Variants in CAMK4 observed in about 807,000 individuals in gnomAD.
CAMK4 encodes the protein calcium/calmodulin dependent protein kinase IV.
CAMK4 carries 22 observed loss-of-function variants against 44.9 expected under a neutral mutation model. That is an observed-to-expected ratio of 0.49 (90% CI 0.35 to 0.70). The LOEUF (loss-of-function observed/expected upper bound fraction) is 0.70, where lower values mean the gene tolerates loss of function less well. Ranked by LOEUF, CAMK4 falls within the 30% of genes least tolerant of loss-of-function variation. The pLI, the probability that CAMK4 is intolerant of heterozygous loss-of-function variation, is 0.01. For missense variants in CAMK4, 498 were observed against 586.8 expected, an observed-to-expected ratio of 0.85 and a Z score of 1.56; for synonymous variants, 218 against 215.4, an observed-to-expected ratio of 1.01 and a Z score of -0.11.
intron 4 of CAMK4, among the ~76,000 whole-genome samples, chr5:111,378,354 C>T (rs1016517495): frequency 6.6e-6 from 1 of 152,100 alleles, no homozygotes; most frequent in Non-Finnish European, 1.5e-5. Context: ...AATAGCAGCT[C>T]AAATGGACTA....
intron 1 of CAMK4, among the ~76,000 whole-genome samples, chr5:111,246,293 G>A (rs1749237206): frequency 6.6e-6 from 1 of 152,128 alleles, no homozygotes; most frequent in African/African-American, 2.4e-5. Context: ...CTACCCCCAA[G>A]AAGGGCTTTC....
intron 4 of CAMK4, among the ~76,000 whole-genome samples, chr5:111,393,573 T>C (rs993458031): frequency 6.6e-6 from 1 of 152,148 alleles, no homozygotes; most frequent in Admixed American, 6.6e-5. Context: ...GATCATGTCC[T>C]ATGAAGGGAC....
At chr5:111,316,358 G>A (rs1205485132) in intron 1 of CAMK4, among the ~76,000 whole-genome samples, 2 of 152,150 alleles carry the variant, frequency 1.3e-5, no homozygotes, top group Non-Finnish European at 2.9e-5. Flanking sequence ...TCAACATTTA[G>A]TCTCACTCCA....
chr5:111,442,461 C>T (rs1753859337), intron 5 of CAMK4, among the ~76,000 whole-genome samples: 1 of 151,750 alleles, frequency 6.6e-6, no homozygotes, highest in South Asian at 2.1e-4. Flanking sequence ...CGCACCACTG[C>T]ACTCCAGCCT....
chr5:111,456,238 A>T (rs1472020684), intron 7 of CAMK4, among the ~76,000 whole-genome samples: 1 of 152,094 alleles, frequency 6.6e-6, no homozygotes, highest in African/African-American at 2.4e-5. Flanking sequence ...GCGGTGGCTC[A>T]CGACTGTAAT....
At chr5:111,371,801 T>C (rs1441656309) in intron 2 of CAMK4, among the ~76,000 whole-genome samples, 1 of 152,220 alleles carries the variant, frequency 6.6e-6, no homozygotes, top group Middle Eastern at 3.2e-3. Context: ...TCCCAGTTTC[T>C]ATTCCAACCA....
chr5:111,274,602 A>G (rs1330764536), intron 1 of CAMK4, among the ~76,000 whole-genome samples: 2 of 152,214 alleles, frequency 1.3e-5, no homozygotes, highest in African/African-American at 4.8e-5. Flanking sequence ...GATTTGGATA[A>G]GAAAAATTTT....
intron 1 of CAMK4, among the ~76,000 whole-genome samples, chr5:111,238,574 C>G (rs757341278): frequency 3.3e-5 from 5 of 151,208 alleles, no homozygotes; most frequent in African/African-American, 1.2e-4. Flanking sequence ...TAAGCCACCC[C>G]AGTCTGTGGC....
Position 111,227,356 on chromosome 5 carries a change from A to C in CAMK4, c.161+2712A>C, listed in dbSNP as rs976864618. Among the ~76,000 whole-genome samples, 11 of 152,202 alleles carry C rather than the reference A, an allele frequency of 7.2e-5. 1 individual carries two copies. Among genetic ancestry groups the C allele is most frequent in the African/African-American group, 2.4e-4 (10 of 41,462 alleles). On this transcript the variant is annotated intron_variant, in intron 1 of 10. Transcript: ENST00000282356. ...CAGCTTTGGACCAAATCCACCTGCTAGTGTGACTCTAATTCATTAGTAATG... is the reference window on the plus strand; with the variant it reads ...CAGCTTTGGACCAAATCCACCTGCTCGTGTGACTCTAATTCATTAGTAATG...
intron 9 of CAMK4, among the ~76,000 whole-genome samples, chr5:111,481,503 G>C (rs1257290030): frequency 6.6e-6 from 1 of 152,178 alleles, no homozygotes; most frequent in Middle Eastern, 3.2e-3. Context: ...GAGAGAACCA[G>C]ATAGTATTTA....
intron 5 of CAMK4, among the ~76,000 whole-genome samples, chr5:111,426,057 G>T (rs1389608621): frequency 6.6e-6 from 1 of 151,670 alleles, no homozygotes; most frequent in Non-Finnish European, 1.5e-5. Flanking sequence ...CATGTGTAAA[G>T]TACCTGAAAA....
chr5:111,388,801 A>G (rs541821909), intron 4 of CAMK4, among the ~76,000 whole-genome samples: 13 of 152,174 alleles, frequency 8.5e-5, no homozygotes, highest in Non-Finnish European at 1.9e-4. Context: ...CATCTGTTGG[A>G]ATGCATCCTC....
chr5:111,427,539 C>T (rs1229186639), intron 5 of CAMK4, among the ~76,000 whole-genome samples: 1 of 152,176 alleles, frequency 6.6e-6, no homozygotes, highest in East Asian at 1.9e-4. Context: ...AGGGTGAGCA[C>T]CAGGACAGGT....
chr5:111,453,490 G>C (rs1430888222), intron 7 of CAMK4, among the ~76,000 whole-genome samples: 2 of 152,082 alleles, frequency 1.3e-5, no homozygotes, highest in Admixed American at 1.3e-4. Context: ...TAAGTTGGTG[G>C]GGAGGAAACT....
chr5:111,324,703 A>G (rs1354497590), intron 1 of CAMK4, among the ~76,000 whole-genome samples: 1 of 152,138 alleles, frequency 6.6e-6, no homozygotes, highest in Non-Finnish European at 1.5e-5. Flanking sequence ...GACTTAATTG[A>G]CACTTACAGA....
At chr5:111,337,201 C>T (rs1177324181) in intron 1 of CAMK4, among the ~76,000 whole-genome samples, 1 of 151,060 alleles carries the variant, frequency 6.6e-6, no homozygotes, top group Non-Finnish European at 1.5e-5. Context: ...TTTTTTATTT[C>T]TAGGTAGAAT....
rs544904695 is a variant in CAMK4 at position 111,458,369 on chromosome 5, G to A, written c.625+9166G>A. 3.3e-5 allele frequency among the ~76,000 whole-genome samples: 5 copies of A among 152,308 alleles called. No individual in the cohort carries two copies. In the South Asian group the frequency reaches 8.3e-4, roughly 25 times the overall value. ...AAGTTTGAAATCTGAAGAAAACTGC[G>A]TCTTTGGAGTCTTTATATTGGTTTC... On this transcript the variant is annotated intron_variant, in intron 7 of 10. Coordinates refer to ENST00000282356, the MANE Select transcript of CAMK4 (RefSeq NM_001744.6).
chr5:111,342,341 G>T (rs1212030810), intron 1 of CAMK4, among the ~76,000 whole-genome samples: 4 of 151,242 alleles, frequency 2.6e-5, no homozygotes, highest in Non-Finnish European at 5.9e-5. Context: ...ATGTTGTTTT[G>T]CATAGTTGAC....
At chr5:111,329,373 G>A (rs1296130663) in intron 1 of CAMK4, among the ~76,000 whole-genome samples, 1 of 151,860 alleles carries the variant, frequency 6.6e-6, no homozygotes, top group Non-Finnish European at 1.5e-5. Flanking sequence ...GGAAGTTCTG[G>A]CCAGGGCAAT....
Sources: gnomAD v4.1 joint callset for allele counts (sites outside exome capture counted in the v4.1 genomes callset) on GRCh38, gnomAD v4.1.1 for gene constraint, MANE v1.5 for transcripts, NCBI Gene and HGNC (gene_info 2026-07-23, HGNC 2026-07-21) for gene names.